APOA5: variants seen among roughly 807,000 people sequenced by gnomAD.
APOA5 encodes the protein apolipoprotein A-V.
A neutral mutation model predicts 31.8 loss-of-function variants in APOA5; 26 were observed. The observed-to-expected ratio is 0.82, with a 90% CI of 0.60 to 1.13. APOA5 has a LOEUF of 1.13. Among genes scored for constraint, APOA5 ranks in the 50% most tolerant of loss-of-function variants. The pLI, the probability that APOA5 is intolerant of heterozygous loss-of-function variation, is 0.00. For synonymous variants in APOA5, 186 were observed against 198.5 expected (o/e 0.94, Z 0.53); for missense variants, 450 against 488.0 (o/e 0.92, Z 0.73).
At position 116,790,497 on chromosome 11, in the gene APOA5, T is replaced by C; in HGVS notation, c.732A>G (p.Ala244=). 6.2e-7 allele frequency: 1 copy of C among 1,601,912 alleles called. No homozygotes were observed. The highest frequency in any genetic ancestry group is 1.1e-5 in the South Asian group (1 of 91,068). The change falls in exon 3 of 3, where the codon GCA becomes GCG. Residue 244 remains alanine, a synonymous_variant. Coordinates refer to ENST00000227665, the MANE Select transcript of APOA5 (RefSeq NM_001371904.1). The stretch of plus-strand genomic sequence containing the variant: ...GCTGGTCCAGGTTCTGCTGGATGCG[T>C]GCGTGCAGGGCCTTGGCCTTGAGCG... ...KLTLKAKALH[A]RIQQNLDQLR... is the part of the protein sequence containing the mutation.
rs556776664 is a variant in APOA5, at chr11:116,789,707, C to T, written c.*421G>A. 3.3e-6 allele frequency: 1 copy of T among 301,300 alleles called. No homozygotes were observed. Among genetic ancestry groups the T allele is most frequent in the South Asian group, 3.3e-5 (1 of 30,114 alleles). The allele number at this position is 301,300 out of a possible 1,614,324, so 18.7% of individuals were successfully genotyped here. ...CAGCCCTGGGGAGACAAGTGCTCCT[C>T]TCTGTGGACCAGCTGTAGCAGTGGC... On this transcript the variant is annotated 3_prime_UTR_variant, in exon 3 of 3. Coordinates refer to ENST00000227665, the MANE Select transcript of APOA5 (RefSeq NM_001371904.1).
Position 116,790,410 on chromosome 11 carries a change from G to T in APOA5, c.819C>A (p.Asp273Glu), listed in dbSNP as rs989332330. The T allele has an allele frequency of 1.2e-6, 2 of 1,607,906 alleles. No homozygotes were observed. The highest frequency in any genetic ancestry group is 2.7e-5 in the African/African-American group (2 of 74,946). Reference protein sequence around the residue: ...GTGTEEGAGPDPQMLSEEVRQ... With the variant: ...GTGTEEGAGPEPQMLSEEVRQ... ...GCACCTCCTCGGAGAGCATCTGGGG[G>T]TCCGGGCCGGCCCCTTCCTCAGTCC... The change falls in exon 3 of 3, where the codon GAC becomes GAA. Residue 273 changes from aspartate (D) to glutamate (E), a missense_variant. Asp to Glu is a conservative substitution (Grantham distance 45). Transcript: ENST00000227665.
chr11:116,791,216 A>AC, intron 2 of APOA5, 149 bp from the exon 3 acceptor site: 1 of 745,574 alleles, frequency 1.3e-6, no homozygotes, highest in South Asian at 1.5e-5. Flanking sequence ...AGCCCTGGCC[A>AC]GTAACAACTC....
rs202150513 is a variant in APOA5, at chr11:116,791,567, C to T, written c.161+19G>A. The stretch of plus-strand genomic sequence containing the variant: ...GCTGTCTCCTCCCTTCGCCTACACC[C>T]CTTCCCCTGGGCACTCACGCGGGCT... On this transcript the variant is annotated intron_variant, in intron 2 of 2. Coordinates refer to ENST00000227665, the MANE Select transcript of APOA5 (RefSeq NM_001371904.1). 644 of 1,585,128 alleles carry T rather than the reference C, an allele frequency of 4.1e-4. No homozygotes were observed. The highest frequency in any genetic ancestry group is 5.3e-4 in the Non-Finnish European group (622 of 1,166,480).
intron 2 of APOA5, 100 bp downstream of exon 2, chr11:116,791,486 C>T (rs2134204166): frequency 8.1e-7 from 1 of 1,235,290 alleles, no homozygotes; most frequent in South Asian, 1.3e-5. Context: ...TTCCTCTGTC[C>T]CAGCAGCGGC....
rs554191422 is a variant in APOA5 at position 116,789,533 on chromosome 11, T to A, written c.*595A>T. The A allele has an allele frequency of 1.1e-4, 19 of 175,038 alleles. No homozygotes were observed. The South Asian group carries it at 2.5e-3, about 23-fold the overall frequency. The allele number at this position is 175,038 out of a possible 1,614,324, so 10.8% of individuals were successfully genotyped here. ...TCCCTTATTTAGGTGTAGAGCTATG[T>A]CAGGAAACATGGGCTCTGCCCTCTC... On this transcript the variant is annotated 3_prime_UTR_variant, in exon 3 of 3. Coordinates refer to ENST00000227665, the MANE Select transcript of APOA5 (RefSeq NM_001371904.1).
Position 116,790,824 on chromosome 11 carries a change from A to G in APOA5, c.405T>C (p.Asp135=). The G allele has an allele frequency of 6.2e-7, 1 of 1,613,750 alleles. No individual in the cohort carries two copies. The highest frequency in any genetic ancestry group is 8.5e-7 in the Non-Finnish European group (1 of 1,180,012). ...CGCGCAGGGCCACCTGCTCCATCAG[A>G]TCCATCGTGTAGGGCTTCAGTTGCT... ...LRQQLKPYTM[D]LMEQVALRVQ... Residue 135 remains aspartate (D), a synonymous_variant, in exon 3 of 3, where the codon GAT becomes GAC. Transcript: ENST00000227665.
At chr11:116,792,226 GT>G (rs1419688759), upstream of APOA5, among the ~76,000 whole-genome samples, 1 of 152,094 alleles carries the variant, frequency 6.6e-6, no homozygotes, top group Non-Finnish European at 1.5e-5. Context: ...CCATTTCATG[GT>G]GGAAAAACTG....
rs538946034 is a variant in APOA5, at chr11:116,790,791, C to A, written c.438G>T (p.Glu146Asp). The A allele has an allele frequency of 1.2e-6, 2 of 1,613,764 alleles. No homozygotes were observed. The highest frequency in any genetic ancestry group is 1.7e-5 in the Admixed American group (1 of 60,034). ...CCACCACGCGCAACTGCTCCTGCAG[C>A]TCCTGCACGCGCAGGGCCACCTGCT... ...LMEQVALRVQ[E>D]LQEQLRVVGE... The change falls in exon 3 of 3, where the codon GAG becomes GAT. Residue 146 changes from glutamate (E) to aspartate (D), a missense_variant. Coordinates refer to ENST00000227665, the MANE Select transcript of APOA5 (RefSeq NM_001371904.1).
In APOA5 at chr11:116,790,158, G is replaced by A; in HGVS notation, c.1071C>T (p.Asp357=). The part of the protein sequence containing the change: ...LWEDITHSLH[D]QGHSHLGDP ...GGTCCCCCAGATGGCTGTGGCCCTG[G>A]TCATGAAGGCTGTGAGTGATGTCTT... Residue 357 remains aspartate, a synonymous_variant, in exon 3 of 3, where the codon GAC becomes GAT. Coordinates refer to ENST00000227665, the MANE Select transcript of APOA5 (RefSeq NM_001371904.1). 1 of 1,614,250 alleles carries A rather than the reference G, an allele frequency of 6.2e-7. No individual in the cohort carries two copies. Among genetic ancestry groups the A allele is most frequent in the East Asian group, 2.2e-5 (1 of 44,880 alleles).
At position 116,790,494 on chromosome 11, in the gene APOA5, G is replaced by A. The variant is rs1433392883; in HGVS notation, c.735C>T (p.Arg245=). 1.2e-6 allele frequency: 2 copies of A among 1,602,096 alleles called. No homozygotes were observed. The highest frequency in any genetic ancestry group is 1.7e-6 in the Non-Finnish European group (2 of 1,179,636). Residue 245 remains arginine, a synonymous_variant, in exon 3 of 3, where the codon CGC becomes CGT. Transcript: ENST00000227665. ...LTLKAKALHA[R]IQQNLDQLRE... is the part of the protein sequence containing the mutation. ...GCAGCTGGTCCAGGTTCTGCTGGAT[G>A]CGTGCGTGCAGGGCCTTGGCCTTGA... is the stretch of plus-strand genomic sequence containing the variant.
Position 116,791,619 on chromosome 11 carries a change from T to G in APOA5, c.128A>C (p.Gln43Pro). Residue 43 changes from glutamine to proline, a missense_variant, in exon 2 of 3, where the codon CAG becomes CCG. Gln to Pro is a moderately conservative substitution (Grantham distance 76). Coordinates refer to ENST00000227665, the MANE Select transcript of APOA5 (RefSeq NM_001371904.1). ...GCGAGCCATCTTCTGCTGATGGATCTGCTCCACCCTGCCTTTGTCCCCGCT... is the reference window on the plus strand; with the variant it reads ...GCGAGCCATCTTCTGCTGATGGATCGGCTCCACCCTGCCTTTGTCCCCGCT... ...QTSGDKGRVE[Q>P]IHQQKMAREP... is the part of the protein sequence containing the mutation. 6.2e-7 allele frequency: 1 copy of G among 1,608,684 alleles called. No homozygotes were observed.
chr11:116,790,704 T>G lies in APOA5; in HGVS notation c.525A>C (p.Gly175=). Residue 175 remains glycine (G), a synonymous_variant, in exon 3 of 3, where the codon GGA becomes GGC. Transcript: ENST00000227665. ...GVDEAWALLQ[G]LQSRVVHHTG... ...TGTGGTGCACCACGCGGCTCTGCAG[T>G]CCCTGCAGCAAAGCCCAAGCCTCGT... 6.2e-7 allele frequency: 1 copy of G among 1,612,780 alleles called. No individual in the cohort carries two copies. The highest frequency in any genetic ancestry group is 8.5e-7 in the Non-Finnish European group (1 of 1,179,920).
In APOA5 at chr11:116,790,687, A is replaced by C. The variant is rs1457347175; in HGVS notation, c.542T>G (p.Val181Gly). The C allele has an allele frequency of 6.2e-7, 1 of 1,612,500 alleles. No homozygotes were observed. Among genetic ancestry groups the C allele is most frequent in the African/African-American group, 1.3e-5 (1 of 74,912 alleles). The change falls in exon 3 of 3, where the codon GTG (valine) becomes GGG (glycine). Residue 181 changes from valine to glycine, a missense_variant. Val to Gly is a moderately radical substitution (Grantham distance 109). Coordinates refer to ENST00000227665, the MANE Select transcript of APOA5 (RefSeq NM_001371904.1). ...ALLQGLQSRV[V>G]HHTGRFKELF... ...CTCTTTGAAGCGGCCGGTGTGGTGCACCACGCGGCTCTGCAGTCCCTGCAG... is the reference window on the plus strand; with the variant it reads ...CTCTTTGAAGCGGCCGGTGTGGTGCCCCACGCGGCTCTGCAGTCCCTGCAG...
chr11:116,789,529 T>TCGGTGGTCGCCGTATCATTAAAA lies in APOA5; in HGVS notation c.*598_*599insTTTTAATGATACGGCGACCACCG. The TCGGTGGTCGCCGTATCATTAAAA allele has an allele frequency of 1.7e-5, 3 of 175,478 alleles. No homozygotes were observed. Among genetic ancestry groups the TCGGTGGTCGCCGTATCATTAAAA allele is most frequent in the Non-Finnish European group, 3.7e-5 (3 of 80,822 alleles). 10.9% of individuals were successfully genotyped at this position (175,478 alleles called of 1,614,324 possible). A position where few individuals can be genotyped will look rare whatever the true frequency, so the allele number is the denominator to read the frequency against. On this transcript the variant is annotated 3_prime_UTR_variant, in exon 3 of 3. Coordinates refer to ENST00000227665, the MANE Select transcript of APOA5 (RefSeq NM_001371904.1). ...TCAGTCCCTTATTTAGGTGTAGAGC[T>TCGGTGGTCGCCGTATCATTAAAA]ATGTCAGGAAACATGGGCTCTGCCC...
At position 116,791,666 on chromosome 11, in the gene APOA5, G is replaced by C; in HGVS notation, c.81C>G (p.Phe27Leu). 1.9e-6 allele frequency: 3 copies of C among 1,610,682 alleles called. No homozygotes were observed. In the Middle Eastern group the frequency reaches 5.0e-4, roughly 266 times the overall value. ...CGCTGGTCTGGCTGAAGTAGTCCCA[G>C]AAGCCTTTCCGTGCCTGGGTGGCCG... is the stretch of plus-strand genomic sequence containing the variant. ...AFSATQARKG[F>L]WDYFSQTSGD... Residue 27 changes from phenylalanine to leucine, a missense_variant, in exon 2 of 3, where the codon TTC (phenylalanine) becomes TTG (leucine). Transcript: ENST00000227665.
At chr11:116,791,784 CA>C in intron 1 of APOA5, 27 bp downstream of exon 1, 1 of 1,614,220 alleles carries the variant, frequency 6.2e-7, no homozygotes, top group Non-Finnish European at 8.5e-7. Context: ...CCCACACCCC[CA>C]CGTTGAAGTC....
Position 116,791,611 on chromosome 11 carries a change from G to A in APOA5, c.136C>T (p.Gln46Ter). 1.2e-6 allele frequency: 2 copies of A among 1,607,240 alleles called. No individual in the cohort carries two copies. The highest frequency in any genetic ancestry group is 1.3e-5 in the African/African-American group (1 of 74,862). The stretch of plus-strand genomic sequence containing the variant: ...GCGGGCTCGCGAGCCATCTTCTGCT[G>A]ATGGATCTGCTCCACCCTGCCTTTG... Reference protein sequence around the residue: ...GDKGRVEQIHQQKMAREPATL... With the variant: ...GDKGRVEQIH Residue 46 changes from glutamine to a stop codon, truncating the protein, a stop_gained, in exon 2 of 3, where the codon CAG (glutamine) becomes TAG (stop). Transcript: ENST00000227665. LOFTEE classifies it high-confidence loss of function.
At position 116,791,639 on chromosome 11, in the gene APOA5, C is replaced by A. The variant is rs1361140976; in HGVS notation, c.108G>T (p.Gly36=). ...GGATCTGCTCCACCCTGCCTTTGTC[C>A]CCGCTGGTCTGGCTGAAGTAGTCCC... ...GFWDYFSQTS[G]DKGRVEQIHQ... Residue 36 remains glycine (G), a synonymous_variant, in exon 2 of 3, where the codon GGG becomes GGT. Transcript: ENST00000227665. 1 of 1,610,396 alleles carries A rather than the reference C, an allele frequency of 6.2e-7. No homozygotes were observed. The highest frequency in any genetic ancestry group is 8.5e-7 in the Non-Finnish European group (1 of 1,178,346).
Sources: gnomAD v4.1 joint callset for allele counts (sites outside exome capture counted in the v4.1 genomes callset) on GRCh38, gnomAD v4.1.1 for gene constraint, MANE v1.5 for transcripts, NCBI Gene and HGNC (gene_info 2026-07-23, HGNC 2026-07-21) for gene names.